The following MCC variants were observed in gnomAD, a reference collection of about 807,000 sequenced individuals.
MCC encodes MCC regulator of Wnt signaling pathway, also known as colorectal mutant cancer protein.
A neutral mutation model predicts 116.2 loss-of-function variants in MCC; 90 were observed. The observed-to-expected ratio is 0.77, with a 90% confidence interval of 0.65 to 0.92. The LOEUF (loss-of-function observed/expected upper bound fraction) is 0.92, where lower values mean the gene tolerates loss of function less well. Among genes scored for constraint, MCC ranks in the 40% least tolerant of loss-of-function variants. MCC has a pLI of 0.00. For synonymous variants in MCC, 578 were observed against 510.5 expected (o/e 1.13, Z -1.78); for missense variants, 1,516 against 1,312.2 (o/e 1.16, Z -2.40).
intron 1 of MCC, among the ~76,000 whole-genome samples, chr5:113,471,614 T>A (rs1346511289): frequency 6.6e-6 from 1 of 151,854 alleles, no homozygotes; most frequent in East Asian, 1.9e-4. Context: ...TACTCGGGGG[T>A]CAGGGACCCA....
At chr5:113,251,282 C>G (rs747851407) in intron 3 of MCC, among the ~76,000 whole-genome samples, 1 of 152,168 alleles carries the variant, frequency 6.6e-6, no homozygotes, top group East Asian at 1.9e-4. Context: ...GCACTGTCTG[C>G]GTTTTTTTAA....
At chr5:113,113,997 T>C (rs1374343561) in intron 6 of MCC, among the ~76,000 whole-genome samples, 1 of 140,686 alleles carries the variant, frequency 7.1e-6, no homozygotes, top group Non-Finnish European at 1.5e-5. Flanking sequence ...GGTACTGTGT[T>C]TATTATAGGA....
At chr5:113,190,004 G>C (rs555031995) in intron 3 of MCC, among the ~76,000 whole-genome samples, 1 of 152,138 alleles carries the variant, frequency 6.6e-6, no homozygotes, top group South Asian at 2.1e-4. Context: ...GCCTGTGTCC[G>C]CCTGAAGTAC....
intron 15 of MCC, among the ~76,000 whole-genome samples, chr5:113,052,396 G>T (rs1752543895): frequency 6.9e-6 from 1 of 144,946 alleles, no homozygotes; most frequent in Admixed American, 7.0e-5. Flanking sequence ...GCAGCATGAG[G>T]ATTCTCTACA....
At chr5:113,429,610 C>CT (rs1347128576) in intron 1 of MCC, among the ~76,000 whole-genome samples, 1 of 152,092 alleles carries the variant, frequency 6.6e-6, no homozygotes, top group Non-Finnish European at 1.5e-5. Context: ...TCTCCAGGTC[C>CT]TTTTTCCCCC....
intron 3 of MCC, among the ~76,000 whole-genome samples, chr5:113,267,490 C>T (rs1258206842): frequency 1.3e-5 from 2 of 152,150 alleles, no homozygotes; most frequent in Non-Finnish European, 2.9e-5. Flanking sequence ...CACTATCATT[C>T]CCATTTAATA....
At chr5:113,298,617 T>C (rs1479446202) in intron 3 of MCC, among the ~76,000 whole-genome samples, 1 of 152,112 alleles carries the variant, frequency 6.6e-6, no homozygotes, top group East Asian at 1.9e-4. Context: ...TGGAGCAAAG[T>C]TCCTAAAAAG....
intron 3 of MCC, among the ~76,000 whole-genome samples, chr5:113,199,426 C>A (rs888263721): frequency 2.6e-5 from 4 of 152,098 alleles, no homozygotes; most frequent in African/African-American, 9.7e-5. Flanking sequence ...GGGTCCTGAA[C>A]CTGGAGTCCA....
intron 3 of MCC, among the ~76,000 whole-genome samples, chr5:113,315,704 CA>C (rs35274366): frequency 0.38 from 24,970 of 65,274 alleles, 2,091 homozygotes; most frequent in Admixed American, 0.42. Context: ...CCCATCTCTA[CA>C]AAAAAAAAAA....
chr5:113,058,489 C>T (rs963610203), intron 14 of MCC, among the ~76,000 whole-genome samples: 1 of 152,166 alleles, frequency 6.6e-6, no homozygotes, highest in Non-Finnish European at 1.5e-5. Flanking sequence ...CTCTGATGCA[C>T]GCTTAGGTGT....
Position 113,264,943 on chromosome 5 carries a change from GC to G in MCC, c.627+75575del, listed in dbSNP as rs1476653428. 2.0e-5 allele frequency among the ~76,000 whole-genome samples: 3 copies of G among 152,276 alleles called. No individual in the cohort carries two copies. In the East Asian group the frequency reaches 5.8e-4, roughly 29 times the overall value. ...TGTAGTCCCAGCTACTTGGGAGGCT[GC>G]GGCAGGAGAATCGCTTAACTTGGGA... is the stretch of plus-strand genomic sequence containing the variant. On this transcript the variant is annotated intron_variant, in intron 3 of 18. Transcript: ENST00000408903.
At chr5:113,127,013 C>T (rs1043543687) in intron 5 of MCC, among the ~76,000 whole-genome samples, 1 of 152,120 alleles carries the variant, frequency 6.6e-6, no homozygotes, top group Admixed American at 6.6e-5. Context: ...TGTTCCTCTC[C>T]CTCCTCCCAC....
Position 113,333,825 on chromosome 5 carries a change from ATGTATATATG to A in MCC, c.627+6684_627+6693del, listed in dbSNP as rs1454482946. 1.4e-4 allele frequency among the ~76,000 whole-genome samples: 6 copies of A among 43,734 alleles called. 1 individual carries two copies. Among genetic ancestry groups the A allele is most frequent in the African/African-American group, 6.5e-4 (6 of 9,210 alleles). The allele number at this position is 43,734 out of a possible 152,430, so 28.7% of individuals were successfully genotyped here. On this transcript the variant is annotated intron_variant, in intron 3 of 18. Coordinates refer to ENST00000408903, the MANE Select transcript of MCC (RefSeq NM_001085377.2). ...TGTATATATGTATATATGTACATAT[ATGTATATATG>A]TATATATGTATATATGTACATATAT... is the stretch of plus-strand genomic sequence containing the variant.
intron 8 of MCC, among the ~76,000 whole-genome samples, chr5:113,098,645 A>T (rs1756197678): frequency 6.6e-6 from 1 of 152,210 alleles, no homozygotes. Flanking sequence ...CACTAGCCCA[A>T]TTTGTTAACT....
intron 1 of MCC, among the ~76,000 whole-genome samples, chr5:113,403,018 T>C (rs1012138562): frequency 6.6e-6 from 1 of 152,140 alleles, no homozygotes; most frequent in African/African-American, 2.4e-5. Flanking sequence ...TGAACACTTT[T>C]ATGCTTTCAG....
chr5:113,434,866 A>T lies in MCC; in HGVS notation c.171-49654T>A, dbSNP rs758412164. ...GTGCCAGGAATGCCCAGTGCCTCTGAGGCTGCCCTCTACAGCCCCGAGGCG... is the reference window on the plus strand; with the variant it reads ...GTGCCAGGAATGCCCAGTGCCTCTGTGGCTGCCCTCTACAGCCCCGAGGCG... On this transcript the variant is annotated intron_variant, in intron 1 of 18. Coordinates refer to ENST00000408903, the MANE Select transcript of MCC (RefSeq NM_001085377.2). This position sits in a 1 kb window ranked among gnomAD's most constrained non-coding sequence, Gnocchi z 4.2. The T allele has an allele frequency of 1.3e-6, 2 of 1,590,376 alleles. No homozygotes were observed. The highest frequency in any genetic ancestry group is 2.2e-5 in the East Asian group (1 of 44,592).
intron 14 of MCC, among the ~76,000 whole-genome samples, chr5:113,062,852 C>T (rs1376329412): frequency 6.6e-6 from 1 of 152,140 alleles, no homozygotes; most frequent in Non-Finnish European, 1.5e-5. Context: ...GCGGGTCCCA[C>T]CAGGGGAGAA....
intron 3 of MCC, among the ~76,000 whole-genome samples, chr5:113,177,840 T>C (rs1337888609): frequency 6.6e-6 from 1 of 152,212 alleles, no homozygotes; most frequent in Non-Finnish European, 1.5e-5. Flanking sequence ...GTAAATGCCA[T>C]CAAGTTAATG....
chr5:113,235,250 G>C (rs1248881839), intron 3 of MCC, among the ~76,000 whole-genome samples: 37 of 152,178 alleles, frequency 2.4e-4, no homozygotes. Flanking sequence ...TTCTTCAAAA[G>C]TCTGACTTCA....
Sources: allele counts gnomAD v4.1 joint callset (sites outside exome capture counted in the v4.1 genomes callset), GRCh38; gene constraint gnomAD v4.1.1; non-coding constraint Gnocchi (gnomAD v3.1); transcripts MANE v1.5; gene names NCBI Gene and HGNC (gene_info 2026-07-23, HGNC 2026-07-21).